The following DDX10 variants were observed in gnomAD, a reference collection of about 807,000 sequenced individuals.
The protein encoded by DDX10 is probable ATP-dependent RNA helicase DDX10.
Under a neutral mutation model 104.3 loss-of-function variants are expected in DDX10, and 74 were observed. The ratio of observed to expected loss-of-function variants is 0.71; its 90% confidence interval spans 0.59 to 0.86. The LOEUF (loss-of-function observed/expected upper bound fraction) is 0.86, where lower values mean the gene tolerates loss of function less well. DDX10 is among the 40% of genes least tolerant of loss of function. The pLI is 0.00. For missense variants in DDX10, 952 were observed against 1,040.0 expected (o/e 0.92, Z 1.16); for synonymous variants, 351 against 353.4 (o/e 0.99, Z 0.08).
intron 17 of DDX10, among the ~76,000 whole-genome samples, chr11:108,931,763 T>A (rs1399839856): frequency 1.3e-5 from 2 of 152,200 alleles, no homozygotes; most frequent in Non-Finnish European, 2.9e-5. Flanking sequence ...AACTAAAGAT[T>A]CTTCTTAATC....
intron 12 of DDX10, among the ~76,000 whole-genome samples, chr11:108,720,886 C>G (rs1250248183): frequency 7.1e-6 from 1 of 140,164 alleles, no homozygotes; most frequent in Non-Finnish European, 1.6e-5. Flanking sequence ...AGCCACTGTG[C>G]CTGGCCGGGT....
At chr11:108,927,161 A>G (rs989291253) in intron 17 of DDX10, among the ~76,000 whole-genome samples, 2 of 152,238 alleles carry the variant, frequency 1.3e-5, no homozygotes, top group Non-Finnish European at 2.9e-5. Flanking sequence ...CAAAGGAAAG[A>G]AGAAAAAGCA....
chr11:108,827,692 C>G (rs1429083904), intron 13 of DDX10, among the ~76,000 whole-genome samples: 1 of 151,842 alleles, frequency 6.6e-6, no homozygotes, highest in Non-Finnish European at 1.5e-5. Context: ...TCTATTGTAC[C>G]CTTCCCTTGC....
At chr11:108,837,817 T>C (rs1862577802) in intron 13 of DDX10, among the ~76,000 whole-genome samples, 1 of 151,858 alleles carries the variant, frequency 6.6e-6, no homozygotes, top group Middle Eastern at 3.2e-3. Flanking sequence ...GAGATGGGGT[T>C]TCACCATGTT....
intron 16 of DDX10, among the ~76,000 whole-genome samples, chr11:108,888,322 T>C (rs1168763149): frequency 6.6e-6 from 1 of 152,208 alleles, no homozygotes. Context: ...GTGGCTCCAA[T>C]TATCTTAATA....
chr11:108,897,969 G>T (rs546994590), intron 16 of DDX10, among the ~76,000 whole-genome samples: 1 of 152,010 alleles, frequency 6.6e-6, no homozygotes, highest in Non-Finnish European at 1.5e-5. Flanking sequence ...AAATTTTACC[G>T]TATAAGCAAA....
intron 13 of DDX10, among the ~76,000 whole-genome samples, chr11:108,804,138 CAAAG>C (rs1482187711): frequency 1.3e-5 from 2 of 152,130 alleles, no homozygotes; most frequent in Non-Finnish European, 2.9e-5. Context: ...ATCAGTCCAA[CAAAG>C]AAAGAACACA....
At chr11:108,748,854 T>C (rs1373922795) in intron 13 of DDX10, among the ~76,000 whole-genome samples, 1 of 152,148 alleles carries the variant, frequency 6.6e-6, no homozygotes, top group African/African-American at 2.4e-5. Context: ...CTAATGTTTT[T>C]AAATGTTTTA....
chr11:108,821,620 G>T (rs1322814555), intron 13 of DDX10, among the ~76,000 whole-genome samples: 1 of 152,138 alleles, frequency 6.6e-6, no homozygotes, highest in South Asian at 2.1e-4. Flanking sequence ...GAGCATTGAG[G>T]TATAGAGTTT....
At chr11:108,830,836 T>A (rs1358665382) in intron 13 of DDX10, among the ~76,000 whole-genome samples, 1 of 152,230 alleles carries the variant, frequency 6.6e-6, no homozygotes. Context: ...TGATTCTATT[T>A]ATAGTTTATT....
intron 16 of DDX10, among the ~76,000 whole-genome samples, chr11:108,895,155 A>G (rs1387378644): frequency 3.9e-5 from 6 of 152,048 alleles, no homozygotes; most frequent in Admixed American, 1.3e-4. Flanking sequence ...CAATCTTACA[A>G]ATGCTTGGAC....
chr11:108,912,508 A>G (rs1863693775), intron 16 of DDX10, among the ~76,000 whole-genome samples: 1 of 152,072 alleles, frequency 6.6e-6, no homozygotes, highest in Non-Finnish European at 1.5e-5. Context: ...CTATTGCTGC[A>G]TTTCTAAGGT....
At chr11:108,840,406 T>C (rs932612143) in intron 14 of DDX10, among the ~76,000 whole-genome samples, 4 of 148,952 alleles carry the variant, frequency 2.7e-5, no homozygotes, top group African/African-American at 9.7e-5. Context: ...TGGCAACTAA[T>C]TATTAGATAA....
At chr11:108,852,789 GT>G (rs1862812834) in intron 16 of DDX10, among the ~76,000 whole-genome samples, 1 of 151,506 alleles carries the variant, frequency 6.6e-6, no homozygotes, top group Non-Finnish European at 1.5e-5. Flanking sequence ...TATCTAATGT[GT>G]TTGTCACTGA....
intron 16 of DDX10, among the ~76,000 whole-genome samples, chr11:108,874,390 C>A (rs976307207): frequency 6.6e-6 from 1 of 152,178 alleles, no homozygotes; most frequent in Non-Finnish European, 1.5e-5. Context: ...TTGGGTGAAA[C>A]AGATCCCAAG....
chr11:108,734,027 G>T (rs542727140), intron 13 of DDX10, among the ~76,000 whole-genome samples: 1 of 151,942 alleles, frequency 6.6e-6, no homozygotes, highest in Non-Finnish European at 1.5e-5. Flanking sequence ...TGCTTATCTT[G>T]TCTCTTCTTT....
In DDX10 at chr11:108,887,793, G is replaced by A. The variant is rs1863319020; in HGVS notation, c.2305-30080G>A. Among the ~76,000 whole-genome samples the A allele has an allele frequency of 2.0e-5, 3 of 152,084 alleles. No homozygotes were observed. In the South Asian group the frequency reaches 6.2e-4, roughly 32 times the overall value. Reference sequence around the variant, plus strand: ...TAGCTGGTTGTGGTAGTGGGTGCCTGTAGTCCCAGCTAGTCCTCAGGAAGA... The same window carrying A: ...TAGCTGGTTGTGGTAGTGGGTGCCTATAGTCCCAGCTAGTCCTCAGGAAGA... On this transcript the variant is annotated intron_variant, in intron 16 of 17. Coordinates refer to ENST00000322536, the MANE Select transcript of DDX10 (RefSeq NM_004398.4).
chr11:108,734,746 A>G (rs2094316390), intron 13 of DDX10, among the ~76,000 whole-genome samples: 1 of 152,208 alleles, frequency 6.6e-6, no homozygotes, highest in Non-Finnish European at 1.5e-5. Flanking sequence ...TAAGGTAGTT[A>G]CACAGGTAAT....
intron 16 of DDX10, among the ~76,000 whole-genome samples, chr11:108,883,447 C>T (rs1015812267): frequency 3.3e-5 from 5 of 152,078 alleles, no homozygotes; most frequent in African/African-American, 1.2e-4. Flanking sequence ...TCTCGTTTCT[C>T]CTTGGGGATT....
Sources: gnomAD v4.1 joint callset for allele counts (sites outside exome capture counted in the v4.1 genomes callset) on GRCh38, gnomAD v4.1.1 for gene constraint, MANE v1.5 for transcripts, NCBI Gene and HGNC (gene_info 2026-07-23, HGNC 2026-07-21) for gene names.